NPL: variants seen among roughly 807,000 people sequenced by gnomAD.
NPL encodes N-acetylneuraminate pyruvate lyase, also known as N-acetylneuraminate lyase.
NPL carries 32 observed loss-of-function variants against 41.1 expected under a neutral mutation model. The ratio of observed to expected loss-of-function variants is 0.78; its 90% CI spans 0.59 to 1.05. NPL has a LOEUF of 1.05. NPL is among the 50% of genes least tolerant of loss of function. The probability of loss-of-function intolerance (pLI) is 0.00; values close to 1 mark genes in which losing one functional copy is unlikely to be tolerated. For missense variants in NPL, 321 were observed against 378.4 expected (o/e 0.85, Z 1.26); for synonymous variants, 128 against 134.9 (o/e 0.95, Z 0.35).
chr1:182,814,201 T>G (rs1667260937), intron 6 of NPL, among the ~76,000 whole-genome samples: 1 of 152,202 alleles, frequency 6.6e-6, no homozygotes, highest in Non-Finnish European at 1.5e-5. Context: ...CATACACAAC[T>G]GCCTTAGAAC....
chr1:182,799,077 G>A (rs1277972862), intron 3 of NPL, among the ~76,000 whole-genome samples: 1 of 152,172 alleles, frequency 6.6e-6, no homozygotes, highest in African/African-American at 2.4e-5. Flanking sequence ...GGTGGTTCGT[G>A]CACCAGGAGA....
intron 5 of NPL, chr1:182,809,152 G>C (rs1164908346): frequency 2.5e-6 from 1 of 403,874 alleles, no homozygotes; most frequent in Non-Finnish European, 4.9e-6. Context: ...TCATAAGTCA[G>C]GGAGTGTAAT....
chr1:182,800,774 G>C (rs1340388297), intron 3 of NPL, among the ~76,000 whole-genome samples: 1 of 138,976 alleles, frequency 7.2e-6, no homozygotes, highest in Admixed American at 7.9e-5. Context: ...CTGTCACCCA[G>C]GCTGGAGTGC....
At chr1:182,807,807 C>T (rs1322472553) in intron 5 of NPL, among the ~76,000 whole-genome samples, 2 of 146,274 alleles carry the variant, frequency 1.4e-5, no homozygotes, top group Non-Finnish European at 3.0e-5. Flanking sequence ...AGGAGAATGG[C>T]GTGAACCTGG....
intron 10 of NPL, among the ~76,000 whole-genome samples, chr1:182,821,030 G>A (rs552870999): frequency 1.3e-5 from 2 of 152,100 alleles, no homozygotes; most frequent in Non-Finnish European, 1.5e-5. Context: ...TCACCTTTCT[G>A]TCTAACCAGG....
rs1479954240 is a variant in NPL at position 182,830,342 on chromosome 1, A to G, written c.*1434A>G. ...TACTAAAGCCAAATTTAAATTCTAA[A>G]ATTAATTCTTGGGTATCCAATAAAC... On this transcript the variant is annotated 3_prime_UTR_variant, in exon 13 of 13. Transcript: ENST00000367553. 1 of 152,220 alleles carries G rather than the reference A, an allele frequency of 6.6e-6. No individual in the cohort carries two copies. The highest frequency in any genetic ancestry group is 1.5e-5 in the Non-Finnish European group (1 of 68,044). The allele number at this position is 152,220 out of a possible 1,614,324, so 9.4% of individuals were successfully genotyped here.
intron 4 of NPL, among the ~76,000 whole-genome samples, chr1:182,804,729 C>T (rs1251048088): frequency 6.6e-6 from 1 of 152,152 alleles, no homozygotes; most frequent in East Asian, 1.9e-4. Context: ...ACAGGAGCCC[C>T]TCCAGAGCCA....
rs1258319519 is a variant in NPL, at chr1:182,828,433, T to C, written c.779-291T>C. Among the ~76,000 whole-genome samples the C allele has an allele frequency of 1.3e-5, 2 of 152,190 alleles. No individual in the cohort carries two copies. The highest frequency in any genetic ancestry group is 4.8e-5 in the African/African-American group (2 of 41,436). ...AGCTTCTCCTCACCCTTCTGACCTC[T>C]TTATTCCTGACACCTTTGGCTTCTC... On this transcript the variant is annotated intron_variant, in intron 12 of 12. Coordinates refer to ENST00000367553, the MANE Select transcript of NPL (RefSeq NM_030769.3). This position sits in a 1 kb window ranked among gnomAD's most constrained non-coding sequence, Gnocchi z 4.0.
intron 3 of NPL, among the ~76,000 whole-genome samples, chr1:182,803,329 C>T (rs1288983371): frequency 1.3e-5 from 2 of 152,202 alleles, no homozygotes; most frequent in Non-Finnish European, 2.9e-5. Flanking sequence ...TGTCTGCAAC[C>T]ATCAATCTTC....
intron 12 of NPL, chr1:182,826,276 T>G (rs1226242319): frequency 5.7e-6 from 1 of 176,534 alleles, no homozygotes; most frequent in Admixed American, 5.6e-5. Context: ...GTTTGGATAA[T>G]ATGACAAAGT....
intron 3 of NPL, among the ~76,000 whole-genome samples, chr1:182,794,916 G>A (rs1214741080): frequency 2.0e-5 from 3 of 152,204 alleles, no homozygotes; most frequent in Non-Finnish European, 4.4e-5. Flanking sequence ...TGAGGAAAGT[G>A]GGAGGTTATC....
intron 4 of NPL, among the ~76,000 whole-genome samples, chr1:182,805,154 G>A (rs528422363): frequency 2.0e-5 from 3 of 152,294 alleles, no homozygotes; most frequent in Admixed American, 2.0e-4. Flanking sequence ...AGTAGGCCGG[G>A]TGTGGTGGCT....
intron 5 of NPL, 146 bp downstream of exon 5, chr1:182,806,378 T>C (rs752804552): frequency 9.7e-6 from 15 of 1,546,998 alleles, no homozygotes; most frequent in Non-Finnish European, 1.0e-5. Context: ...GCCCCCGGGA[T>C]CCTGGCTTCT....
At chr1:182,805,148 G>T (rs1666968528) in intron 4 of NPL, among the ~76,000 whole-genome samples, 1 of 152,198 alleles carries the variant, frequency 6.6e-6, no homozygotes, top group South Asian at 2.1e-4. Context: ...GATTGTAGTA[G>T]GCCGGGTGTG....
chr1:182,798,310 A>T (rs1571425183), intron 3 of NPL, among the ~76,000 whole-genome samples: 1 of 149,384 alleles, frequency 6.7e-6, no homozygotes, highest in East Asian at 2.0e-4. Context: ...TCACTGCAAC[A>T]TCCCCCTCCC....
chr1:182,816,185 C>CT (rs1667326178), intron 7 of NPL, among the ~76,000 whole-genome samples: 1 of 152,224 alleles, frequency 6.6e-6, no homozygotes, highest in African/African-American at 2.4e-5. Context: ...AGTGTGCTCT[C>CT]TTTTGATGTA....
At chr1:182,824,810 T>C (rs548001636) in intron 11 of NPL, among the ~76,000 whole-genome samples, 10 of 152,052 alleles carry the variant, frequency 6.6e-5, no homozygotes, top group Middle Eastern at 3.4e-3. Context: ...AACATAATAA[T>C]AAAATAAAAA....
At chr1:182,791,723 C>T (rs372733961) in intron 1 of NPL, among the ~76,000 whole-genome samples, 23 of 152,214 alleles carry the variant, frequency 1.5e-4, no homozygotes, top group East Asian at 1.3e-3. Context: ...TCAGTGTTAC[C>T]GTCCTTAGTA....
chr1:182,821,687 AATTT>A (rs1667489910), intron 10 of NPL, among the ~76,000 whole-genome samples: 1 of 152,138 alleles, frequency 6.6e-6, no homozygotes, highest in African/African-American at 2.4e-5. Flanking sequence ...GAATATAGGT[AATTT>A]ATTGGGATTT....
Sources: gnomAD v4.1 joint callset for allele counts (sites outside exome capture counted in the v4.1 genomes callset) on GRCh38, gnomAD v4.1.1 for gene constraint, Gnocchi (gnomAD v3.1) non-coding constraint, MANE v1.5 for transcripts, NCBI Gene and HGNC (gene_info 2026-07-23, HGNC 2026-07-21) for gene names.